The following FREM2 variants were observed in gnomAD, a reference collection of about 807,000 sequenced individuals.
The protein encoded by FREM2 is FRAS1 related extracellular matrix 2, also known as FRAS1-related extracellular matrix protein 2.
A neutral mutation model predicts 219.9 loss-of-function variants in FREM2; 119 were observed. The observed-to-expected ratio is 0.54, with a 90% CI of 0.47 to 0.63. The LOEUF is 0.63. Ranked by LOEUF, FREM2 falls within the 30% of genes least tolerant of loss-of-function variation. FREM2 has a pLI of 0.00. For synonymous variants in FREM2, 1,562 were observed against 1,522.8 expected, an observed-to-expected ratio of 1.03 and a Z score of -0.60; for missense variants, 4,030 against 3,993.6, an observed-to-expected ratio of 1.01 and a Z score of -0.25.
chr13:38,766,847 A>G (rs75812228), intron 3 of FREM2, among the ~76,000 whole-genome samples: 2,207 of 152,326 alleles, frequency 0.014, 74 homozygotes, highest in African/African-American at 0.051. Context: ...TATACCTTAC[A>G]TCCATCCTTT....
At chr13:38,711,277 T>G (rs1870759959) in intron 2 of FREM2, among the ~76,000 whole-genome samples, 1 of 152,146 alleles carries the variant, frequency 6.6e-6, no homozygotes. Flanking sequence ...AAGTAAACAT[T>G]AGAGAGTCAG....
intron 2 of FREM2, among the ~76,000 whole-genome samples, chr13:38,720,641 G>A (rs1871188495): frequency 6.6e-6 from 1 of 152,172 alleles, no homozygotes; most frequent in Non-Finnish European, 1.5e-5. Flanking sequence ...TACAGAGAAG[G>A]GGCAGAAAGT....
chr13:38,736,290 A>G (rs1272147977), intron 2 of FREM2, among the ~76,000 whole-genome samples: 1 of 152,194 alleles, frequency 6.6e-6, no homozygotes, highest in Non-Finnish European at 1.5e-5. Flanking sequence ...AATTGTTTCA[A>G]AAGGAAACAA....
chr13:38,847,235 G>A (rs866706647), intron 7 of FREM2, among the ~76,000 whole-genome samples: 16 of 152,084 alleles, frequency 1.1e-4, no homozygotes, highest in African/African-American at 2.4e-4. Flanking sequence ...ATTTTATTCC[G>A]GGATCCACAT....
intron 15 of FREM2, among the ~76,000 whole-genome samples, chr13:38,863,238 C>T (rs548006880): frequency 3.9e-4 from 59 of 152,044 alleles, no homozygotes; most frequent in Non-Finnish European, 6.0e-4. Flanking sequence ...TTAGTAGAGA[C>T]GGGGTTTCGC....
intron 21 of FREM2, 91 bp downstream of exon 21, chr13:38,877,334 A>G: frequency 2.9e-6 from 4 of 1,392,156 alleles, no homozygotes; most frequent in South Asian, 1.2e-5. Context: ...GGGGCAAATT[A>G]TAGCTTTTTT....
intron 4 of FREM2, among the ~76,000 whole-genome samples, chr13:38,780,933 A>G (rs999284856): frequency 6.6e-6 from 1 of 152,094 alleles, no homozygotes; most frequent in Non-Finnish European, 1.5e-5. Flanking sequence ...CCTGTCTTTG[A>G]GTCTTTATCA....
chr13:38,848,757 A>G (rs1032419630), intron 8 of FREM2, 87 bp downstream of exon 8: 8 of 1,220,122 alleles, frequency 6.6e-6, no homozygotes, highest in African/African-American at 1.5e-5. Context: ...AGATGATTAT[A>G]TATATTTGTT....
chr13:38,714,782 A>T (rs1038677137), intron 2 of FREM2, among the ~76,000 whole-genome samples: 3 of 151,972 alleles, frequency 2.0e-5, no homozygotes, highest in African/African-American at 2.4e-5. Context: ...AACTTAATTT[A>T]AAAAAAATTA....
chr13:38,766,259 C>A (rs2137811330), intron 3 of FREM2, among the ~76,000 whole-genome samples: 1 of 152,140 alleles, frequency 6.6e-6, no homozygotes, highest in East Asian at 1.9e-4. Context: ...AAATGTCAAA[C>A]AAGAGCTCTT....
chr13:38,696,620 G>A (rs992716931), intron 1 of FREM2, among the ~76,000 whole-genome samples: 1 of 151,986 alleles, frequency 6.6e-6, no homozygotes, highest in Non-Finnish European at 1.5e-5. Context: ...AGAACAAAAC[G>A]ATTTTTTTCT....
chr13:38,880,322 T>C lies in FREM2; in HGVS notation c.9045T>C (p.Tyr3015=). 1.9e-6 allele frequency: 3 copies of C among 1,613,884 alleles called. No individual in the cohort carries two copies. The South Asian group carries it at 3.3e-5, about 18-fold the overall frequency. ...GAGAATGGTATATACATACGATCTA[T>C]ACAGTGAGATCGAAAGACAATGCCA... ...LGREWYIHTI[Y]TVRSKDNANR... Residue 3015 remains tyrosine (Y), a synonymous_variant, in exon 24 of 24, where the codon TAT becomes TAC. Transcript: ENST00000280481.
intron 2 of FREM2, among the ~76,000 whole-genome samples, chr13:38,730,364 A>T (rs188731664): frequency 6.6e-6 from 1 of 152,310 alleles, no homozygotes; most frequent in African/African-American, 2.4e-5. Context: ...AGTGGTAAAA[A>T]ATGCAAATGG....
intron 6 of FREM2, among the ~76,000 whole-genome samples, chr13:38,840,419 CTCCT>C (rs1374313406): frequency 3.1e-4 from 43 of 137,558 alleles, no homozygotes; most frequent in African/African-American, 1.3e-3. Flanking sequence ...GCCGGGATTT[CTCCT>C]TTTTTTTTTT....
At position 38,802,519 on chromosome 13, in the gene FREM2, T is replaced by G. The variant is rs141248445; in HGVS notation, c.6019+17711T>G. On this transcript the variant is annotated intron_variant, in intron 6 of 23. Transcript: ENST00000280481. ...TGGGAACAGAATAGATAGGTAGCTG[T>G]GGGGAGTGCAGTTTGATTGCACCCC... Among the ~76,000 whole-genome samples the G allele has an allele frequency of 2.2e-3, 340 of 152,270 alleles. 2 individuals carry two copies. Among genetic ancestry groups the G allele is most frequent in the African/African-American group, 7.7e-3 (320 of 41,556 alleles).
chr13:38,725,204 T>C (rs1406902710), intron 2 of FREM2, among the ~76,000 whole-genome samples: 2 of 152,214 alleles, frequency 1.3e-5, no homozygotes, highest in Non-Finnish European at 2.9e-5. Context: ...CATTGCTCAT[T>C]ATCTGCCAAT....
chr13:38,772,701 C>CT (rs58721583), intron 4 of FREM2, among the ~76,000 whole-genome samples: 2 of 146,250 alleles, frequency 1.4e-5, no homozygotes, highest in South Asian at 2.2e-4. Flanking sequence ...TTCTCTCTCT[C>CT]TTTTTTTTTT....
At chr13:38,792,205 C>T (rs1216008477) in intron 6 of FREM2, among the ~76,000 whole-genome samples, 6 of 151,988 alleles carry the variant, frequency 3.9e-5, no homozygotes, top group African/African-American at 4.8e-5. Context: ...AAAACTTAGC[C>T]GGGTGTGGTG....
At chr13:38,750,977 G>A (rs541183887) in intron 2 of FREM2, among the ~76,000 whole-genome samples, 1 of 152,158 alleles carries the variant, frequency 6.6e-6, no homozygotes, top group South Asian at 2.1e-4. Flanking sequence ...TTTCTGTAGT[G>A]GCTGCACTAC....
Sources: allele counts gnomAD v4.1 joint callset (sites outside exome capture counted in the v4.1 genomes callset), GRCh38; gene constraint gnomAD v4.1.1; transcripts MANE v1.5; gene names NCBI Gene and HGNC (gene_info 2026-07-23, HGNC 2026-07-21).